Variants in SMARCB1 observed in about 807,000 individuals in gnomAD.
The protein encoded by SMARCB1 is SWI/SNF-related matrix-associated actin-dependent regulator of chromatin subfamily B member 1.
SMARCB1 carries 5 observed loss-of-function variants against 49.0 expected under a neutral mutation model. The observed-to-expected ratio is 0.10, with a 90% confidence interval of 0.05 to 0.21. SMARCB1 has a LOEUF of 0.21. SMARCB1 is among the 10% of genes least tolerant of loss of function. SMARCB1 has a pLI of 1.00. For synonymous variants in SMARCB1, 201 were observed against 200.1 expected, an observed-to-expected ratio of 1.00 and a Z score of -0.04; for missense variants, 226 against 509.2, an observed-to-expected ratio of 0.44 and a Z score of 5.35.
chr22:23,809,058 C>G (rs1015369938), intron 5 of SMARCB1, among the ~76,000 whole-genome samples: 1 of 151,384 alleles, frequency 6.6e-6, no homozygotes, highest in Non-Finnish European at 1.5e-5. Flanking sequence ...TGGTCTCGAT[C>G]TCCTGACCTC....
intron 5 of SMARCB1, among the ~76,000 whole-genome samples, chr22:23,806,600 G>A (rs2267035): frequency 0.12 from 17,525 of 152,140 alleles, 1,047 homozygotes; most frequent in South Asian, 0.17. Context: ...TGAGTAGCAC[G>A]AATGAAGTGT....
At chr22:23,819,244 T>G (rs542713203) in intron 6 of SMARCB1, among the ~76,000 whole-genome samples, 83 of 152,356 alleles carry the variant, frequency 5.4e-4, no homozygotes, top group Non-Finnish European at 1.1e-3. Flanking sequence ...TTGGGTTGCT[T>G]CCACATTTTG....
chr22:23,797,000 C>CTT (rs1166157626), intron 3 of SMARCB1, among the ~76,000 whole-genome samples: 8 of 135,396 alleles, frequency 5.9e-5, no homozygotes, highest in East Asian at 2.1e-4. Flanking sequence ...GGTTGTTTTT[C>CTT]TTTTTTTTTT....
At chr22:23,823,000 A>T (rs1206094749) in intron 6 of SMARCB1, 3 of 28,032 alleles carry the variant, frequency 1.1e-4, no homozygotes, top group Non-Finnish European at 2.3e-4. Context: ...TTTTTTTTTG[A>T]CACAGAGTCT....
chr22:23,831,085 C>T (rs1568961011), intron 7 of SMARCB1, among the ~76,000 whole-genome samples: 1 of 152,184 alleles, frequency 6.6e-6, no homozygotes, highest in Non-Finnish European at 1.5e-5. Flanking sequence ...ATTGAGTGGA[C>T]TTGGCACCCT....
At chr22:23,820,297 G>T (rs995772094) in intron 6 of SMARCB1, among the ~76,000 whole-genome samples, 1 of 152,124 alleles carries the variant, frequency 6.6e-6, no homozygotes, top group African/African-American at 2.4e-5. Flanking sequence ...GTAGATGGCC[G>T]GGTGCAGTGG....
At position 23,836,653 on chromosome 22, in the gene SMARCB1, G is replaced by A. The variant is rs973782701; in HGVS notation, c.*2473G>A. The A allele has an allele frequency of 4.8e-6, 6 of 1,259,046 alleles. No individual in the cohort carries two copies. The African/African-American group carries it at 6.2e-5, about 13-fold the overall frequency. 78.0% of individuals were successfully genotyped at this position (1,259,046 alleles called of 1,614,324 possible). On this transcript the variant is annotated 3_prime_UTR_variant, in exon 9 of 9. Transcript: ENST00000644036. ...CTACCACCTGCAGTTGGGCTGAGAG[G>A]CCACACTGAGTGAGGACGGGGCAGG...
At position 23,793,641 on chromosome 22, in the gene SMARCB1, G is replaced by A. The variant is rs2145964188; in HGVS notation, c.315G>A (p.Glu105=). The A allele has an allele frequency of 1.2e-6, 2 of 1,614,146 alleles. No homozygotes were observed. The highest frequency in any genetic ancestry group is 1.7e-6 in the Non-Finnish European group (2 of 1,180,008). The change falls in exon 3 of 9, where the codon GAG becomes GAA. Residue 105 remains glutamate, a synonymous_variant. Coordinates refer to ENST00000644036, the MANE Select transcript of SMARCB1 (RefSeq NM_003073.5). ...EVEEILDGND[E]KYKAVSISTE... ...AAGAGATTCTGGATGGCAACGATGA[G>A]AAGTACAAGGCTGTGTCCATCAGCA...
At chr22:23,789,024 A>G (rs1397984070) in intron 1 of SMARCB1, among the ~76,000 whole-genome samples, 2 of 151,980 alleles carry the variant, frequency 1.3e-5, no homozygotes, top group Non-Finnish European at 2.9e-5. Context: ...TAATTTTTAT[A>G]TTTTTAGTAA....
Position 23,835,612 on chromosome 22 carries a change from A to G in SMARCB1, c.*1432A>G, listed in dbSNP as rs1456591052. On this transcript the variant is annotated 3_prime_UTR_variant, in exon 9 of 9. Coordinates refer to ENST00000644036, the MANE Select transcript of SMARCB1 (RefSeq NM_003073.5). ...AGTGGAACTCCCCAGAGCCCCATGC[A>G]CAGCAAGGGGACAGCTGGGCCTTAC... 27 of 985,386 alleles carry G rather than the reference A, an allele frequency of 2.7e-5. No homozygotes were observed. Among genetic ancestry groups the G allele is most frequent in the Non-Finnish European group, 3.3e-5 (27 of 829,948 alleles). The allele number at this position is 985,386 out of a possible 1,614,324, so 61.0% of individuals were successfully genotyped here.
chr22:23,823,295 C>A (rs1358834647), intron 6 of SMARCB1: 1 of 152,154 alleles, frequency 6.6e-6, no homozygotes, highest in Non-Finnish European at 1.5e-5. Flanking sequence ...CCTATGGGGT[C>A]CTGTTGGGTG....
chr22:23,798,816 C>T (rs761883430), intron 3 of SMARCB1, among the ~76,000 whole-genome samples: 28 of 151,944 alleles, frequency 1.8e-4, no homozygotes, highest in African/African-American at 6.5e-4. Flanking sequence ...TTTGGGAGGC[C>T]GAGGCGGGCG....
chr22:23,807,798 C>CT (rs71184913), intron 5 of SMARCB1, among the ~76,000 whole-genome samples: 61,894 of 132,636 alleles, frequency 0.47, 16,830 homozygotes, highest in Non-Finnish European at 0.6. Context: ...CTTTTTTTTT[C>CT]TTTTTTTTTT....
intron 6 of SMARCB1, among the ~76,000 whole-genome samples, chr22:23,819,054 G>C (rs1166671966): frequency 6.6e-6 from 1 of 152,116 alleles, no homozygotes; most frequent in Non-Finnish European, 1.5e-5. Context: ...GTTTCGCCAT[G>C]TTGCCCAGGC....
In SMARCB1 at chr22:23,836,045, A is replaced by G; in HGVS notation, c.*1865A>G. ...CCACAACATGGACAGGCTTAGAACA[A>G]CAAGGAAAGCTGCCAGGTCAGAAGA... On this transcript the variant is annotated 3_prime_UTR_variant, in exon 9 of 9. Transcript: ENST00000644036. The G allele has an allele frequency of 1.0e-6, 1 of 985,484 alleles. No individual in the cohort carries two copies. Among genetic ancestry groups the G allele is most frequent in the African/African-American group, 1.7e-5 (1 of 57,370 alleles). 61.0% of individuals were successfully genotyped at this position (985,484 alleles called of 1,614,324 possible).
intron 5 of SMARCB1, chr22:23,803,865 G>A: frequency 3.6e-6 from 1 of 275,052 alleles, no homozygotes; most frequent in South Asian, 4.0e-5. Context: ...TGTAAGTCCT[G>A]GGTCAGATGC....
chr22:23,800,880 G>C lies in SMARCB1; in HGVS notation c.363-64G>C, dbSNP rs1043180453. On this transcript the variant is annotated intron_variant, in intron 3 of 8. Transcript: ENST00000644036. The stretch of plus-strand genomic sequence containing the variant: ...AGTGGGCATCCCTGGAGCATTAGTT[G>C]ATTCCTGGTGGGCAGGATCAGGCTC... The C allele has an allele frequency of 1.2e-4, 150 of 1,241,182 alleles. 1 individual carries two copies. In the East Asian group the frequency reaches 3.4e-3, roughly 28 times the overall value. The allele number at this position is 1,241,182 out of a possible 1,614,324, so 76.9% of individuals were successfully genotyped here. A position where few individuals can be genotyped will look rare whatever the true frequency, so the allele number is the denominator to read the frequency against.
rs1021678804 is a variant in SMARCB1 at position 23,837,290 on chromosome 22, A to G, written c.*3110A>G. 18 of 1,166,858 alleles carry G rather than the reference A, an allele frequency of 1.5e-5. No individual in the cohort carries two copies. In the African/African-American group the frequency reaches 1.6e-4, roughly 10 times the overall value. 72.3% of individuals were successfully genotyped at this position (1,166,858 alleles called of 1,614,324 possible). ...GCATGAGTGCCCCAAAGCCTTGCAC[A>G]GAGTGCCAGCCCCGGGTTGGCCGTG... On this transcript the variant is annotated 3_prime_UTR_variant, in exon 9 of 9. Coordinates refer to ENST00000644036, the MANE Select transcript of SMARCB1 (RefSeq NM_003073.5).
chr22:23,793,759 G>C, intron 3 of SMARCB1, 71 bp downstream of exon 3: 1 of 1,458,810 alleles, frequency 6.9e-7, no homozygotes, highest in Non-Finnish European at 9.6e-7. Context: ...AGAACTGGTT[G>C]GGTTGAAGTT....
Sources: gnomAD v4.1 joint callset for allele counts (sites outside exome capture counted in the v4.1 genomes callset) on GRCh38, gnomAD v4.1.1 for gene constraint, MANE v1.5 for transcripts, NCBI Gene and HGNC (gene_info 2026-07-23, HGNC 2026-07-21) for gene names.